CLTRN: variants seen among roughly 807,000 people sequenced by gnomAD.
CLTRN encodes collectrin.
In CLTRN, 12 loss-of-function variants were observed where a neutral mutation model predicts 14.5. That is an observed-to-expected ratio of 0.83 (90% CI 0.53 to 1.34). The LOEUF is 1.34. CLTRN is among the 40% of genes most tolerant of loss of function. CLTRN has a pLI of 0.00. For missense variants in CLTRN, 154 were observed against 165.1 expected (o/e 0.93, Z 0.37); for synonymous variants, 58 against 56.5 (o/e 1.03, Z -0.12).
At chrX:15,669,360 T>C (rs923189197), upstream of CLTRN, among the ~76,000 whole-genome samples, 2 of 112,207 alleles carry the variant, frequency 1.8e-5, no homozygotes, top group African/African-American at 3.2e-5. Context: ...TTAGTAACCA[T>C]GGTAATGATG....
chrX:15,642,153 T>C (rs1928958258), intron 4 of CLTRN, among the ~76,000 whole-genome samples: 1 of 112,421 alleles, frequency 8.9e-6, no homozygotes, highest in Non-Finnish European at 1.9e-5. Flanking sequence ...ATCTTCCTAG[T>C]TGGTTAACCC....
At chrX:15,675,384 G>A (rs749461455), upstream of CLTRN, among the ~76,000 whole-genome samples, 2 of 109,623 alleles carry the variant, frequency 1.8e-5, no homozygotes, top group East Asian at 5.8e-4. Context: ...AGGGAAGTAG[G>A]GACATGACGT....
intron 5 of CLTRN, among the ~76,000 whole-genome samples, chrX:15,634,032 T>C (rs967410204): frequency 8.9e-6 from 1 of 112,087 alleles, no homozygotes; most frequent in Non-Finnish European, 1.9e-5. Context: ...TAAGACCCAG[T>C]TGTGATCTTA....
chrX:15,630,821 T>C (rs933172522), intron 5 of CLTRN, among the ~76,000 whole-genome samples: 1 of 111,569 alleles, frequency 9.0e-6, no homozygotes, highest in African/African-American at 3.3e-5. Context: ...GACATAGATT[T>C]TAATGTGATG....
At chrX:15,658,185 G>A (rs1929418589) in intron 3 of CLTRN, among the ~76,000 whole-genome samples, 1 of 112,579 alleles carries the variant, frequency 8.9e-6, no homozygotes, top group African/African-American at 3.2e-5. Context: ...GCATAAGTGA[G>A]GCAGGTATTG....
At chrX:15,651,241 T>C (rs1929207306) in intron 3 of CLTRN, among the ~76,000 whole-genome samples, 1 of 111,440 alleles carries the variant, frequency 9.0e-6, no homozygotes, top group Non-Finnish European at 1.9e-5. Flanking sequence ...GAGCTAACCT[T>C]GATTAGCCAG....
intron 5 of CLTRN, among the ~76,000 whole-genome samples, chrX:15,630,181 G>C (rs1282268573): frequency 9.0e-6 from 1 of 111,613 alleles, no homozygotes; most frequent in East Asian, 2.8e-4. Context: ...TTCAATTGCT[G>C]GTTGGCTAGA....
chrX:15,669,768 G>A (rs191370438), upstream of CLTRN, among the ~76,000 whole-genome samples: 1 of 111,861 alleles, frequency 8.9e-6, no homozygotes, highest in African/African-American at 3.2e-5. Flanking sequence ...TTTTAAAATT[G>A]ACCCTGGTTA....
intron 3 of CLTRN, chrX:15,646,997 C>G (rs1314201421): frequency 1.2e-5 from 3 of 253,940 alleles, no homozygotes; most frequent in Non-Finnish European, 2.2e-5. Context: ...CGGCCGCCTG[C>G]CCTGCTGAGG....
At chrX:15,631,799 T>C (rs765345251) in intron 5 of CLTRN, among the ~76,000 whole-genome samples, 9 of 112,218 alleles carry the variant, frequency 8.0e-5, no homozygotes, top group Admixed American at 1.9e-4. Flanking sequence ...AGGAACTTGC[T>C]GCTTGGTGGA....
chrX:15,674,046 G>A (rs1489571572), intron 1 of CLTRN, among the ~76,000 whole-genome samples: 1 of 111,872 alleles, frequency 8.9e-6, no homozygotes, highest in Non-Finnish European at 1.9e-5. Context: ...CTTGAGTTGG[G>A]GAAGCTCAGT....
chrX:15,629,676 G>A (rs778500194), intron 5 of CLTRN, among the ~76,000 whole-genome samples: 1 of 111,813 alleles, frequency 8.9e-6, no homozygotes, highest in East Asian at 2.8e-4. Context: ...TGATTCTGAT[G>A]AGGATTATCA....
intron 4 of CLTRN, among the ~76,000 whole-genome samples, chrX:15,641,041 G>A (rs1928929309): frequency 8.9e-6 from 1 of 112,270 alleles, no homozygotes; most frequent in Non-Finnish European, 1.9e-5. Flanking sequence ...AGTATGTGGT[G>A]AGCACAGGAA....
At chrX:15,649,714 C>A (rs191605043) in intron 3 of CLTRN, among the ~76,000 whole-genome samples, 1 of 110,722 alleles carries the variant, frequency 9.0e-6, no homozygotes, top group Admixed American at 9.6e-5. Flanking sequence ...ATAGATATAA[C>A]CCCCATACAG....
intron 2 of CLTRN, among the ~76,000 whole-genome samples, chrX:15,661,207 A>G (rs1198774569): frequency 8.9e-6 from 1 of 112,319 alleles, no homozygotes; most frequent in Non-Finnish European, 1.9e-5. Context: ...CTCAAGAACA[A>G]ATGAGAATAA....
chrX:15,664,751 C>T lies in CLTRN; in HGVS notation c.25G>A (p.Val9Met), dbSNP rs375643105. The change falls in exon 1 of 6, where the codon GTG becomes ATG. Residue 9 changes from valine to methionine, a missense_variant. Transcript: ENST00000380342. MLWLLFFL[V>M]TAIHAELCQP... ...CAGAGTTCAGCATGAATGGCAGTCA[C>T]CAGAAAAAAGAGCAGCCACAACATT... is the stretch of plus-strand genomic sequence containing the variant. The T allele has an allele frequency of 8.3e-7, 1 of 1,207,691 alleles. No homozygotes were observed. Among genetic ancestry groups the T allele is most frequent in the Non-Finnish European group, 1.1e-6 (1 of 894,236 alleles).
intron 4 of CLTRN, among the ~76,000 whole-genome samples, chrX:15,642,811 G>C (rs1011492723): frequency 2.7e-5 from 3 of 111,379 alleles, no homozygotes; most frequent in African/African-American, 9.8e-5. Context: ...TATTGGTGTT[G>C]GCTGGGTGCA....
chrX:15,644,379 T>C (rs907504669), intron 4 of CLTRN, among the ~76,000 whole-genome samples: 16 of 111,779 alleles, frequency 1.4e-4, no homozygotes, highest in African/African-American at 5.2e-4. Flanking sequence ...TGCATCCTTC[T>C]GTAAATGCAT....
At chrX:15,665,733 G>C (rs1013621825), upstream of CLTRN, among the ~76,000 whole-genome samples, 15 of 112,351 alleles carry the variant, frequency 1.3e-4, no homozygotes, top group Non-Finnish European at 2.4e-4. Flanking sequence ...GGTCAGTACA[G>C]CAATACAACA....
Sources: gnomAD v4.1 joint callset for allele counts (sites outside exome capture counted in the v4.1 genomes callset) on GRCh38, gnomAD v4.1.1 for gene constraint, MANE v1.5 for transcripts, NCBI Gene and HGNC (gene_info 2026-07-23, HGNC 2026-07-21) for gene names.